KIF13A: variants seen among roughly 807,000 people sequenced by gnomAD.
The protein encoded by KIF13A is kinesin family member 13A.
In KIF13A, 79 loss-of-function variants were observed where a neutral mutation model predicts 212.2. The ratio of observed to expected loss-of-function variants is 0.37; its 90% CI spans 0.31 to 0.45. KIF13A has a LOEUF of 0.45. KIF13A is among the 20% of genes least tolerant of loss of function. The pLI, the probability that KIF13A is intolerant of heterozygous loss-of-function variation, is 1.00. For missense variants in KIF13A, 1,901 were observed against 2,209.0 expected (o/e 0.86, Z 2.79); for synonymous variants, 789 against 808.6 (o/e 0.98, Z 0.41).
In KIF13A at chr6:17,805,556, T is replaced by G; in HGVS notation, c.2223A>C (p.Gln741His). The G allele has an allele frequency of 6.2e-7, 1 of 1,613,594 alleles. No homozygotes were observed. Among genetic ancestry groups the G allele is most frequent in the Non-Finnish European group, 8.5e-7 (1 of 1,179,604 alleles). ...IQVRRKGKST[Q>H]VWTIEKLENK... Reference sequence around the variant, plus strand: ...TCTCCAGCTTCTCAATGGTCCACACTTGGGTGCTCTTTCCTTTCCTCCTCA... The same window carrying G: ...TCTCCAGCTTCTCAATGGTCCACACGTGGGTGCTCTTTCCTTTCCTCCTCA... Residue 741 changes from glutamine to histidine, a missense_variant, in exon 19 of 39, where the codon CAA becomes CAC. Around this residue, in one of 5 missense-constraint regions of KIF13A, gnomAD observed 534 missense variants for 536.9 expected, o/e 0.99. Transcript: ENST00000259711.
In KIF13A at chr6:17,895,751, T is replaced by C. The variant is rs1399442925; in HGVS notation, c.159+2417A>G. 3.3e-5 allele frequency among the ~76,000 whole-genome samples: 5 copies of C among 152,206 alleles called. No homozygotes were observed. The highest frequency in any genetic ancestry group is 7.4e-5 in the Non-Finnish European group (5 of 68,026). Reference sequence around the variant, plus strand: ...ATGCTAGGTTCATCTCTCTAAATTTTTACCTCTTTCTGGATCTTGGTCTAG... The same window carrying C: ...ATGCTAGGTTCATCTCTCTAAATTTCTACCTCTTTCTGGATCTTGGTCTAG... On this transcript the variant is annotated intron_variant, in intron 3 of 38. Coordinates refer to ENST00000259711, the MANE Select transcript of KIF13A (RefSeq NM_022113.6). The surrounding 1 kb of genome is among the most constrained non-coding windows in gnomAD (Gnocchi z 4.4).
chr6:17,783,434 G>A lies in KIF13A; in HGVS notation c.3544+212C>T, dbSNP rs189686553. On this transcript the variant is annotated intron_variant, in intron 29 of 38. Coordinates refer to ENST00000259711, the MANE Select transcript of KIF13A (RefSeq NM_022113.6). This position sits in a 1 kb window ranked among gnomAD's most constrained non-coding sequence, Gnocchi z 4.3. The stretch of plus-strand genomic sequence containing the variant: ...ACTGTTTCAGAGCAACTGTGCTAAT[G>A]CTCGTGCATGCAGTTCTCAATCACC... Among the ~76,000 whole-genome samples the A allele has an allele frequency of 6.6e-6, 1 of 152,280 alleles. No homozygotes were observed. The highest frequency in any genetic ancestry group is 2.4e-5 in the African/African-American group (1 of 41,576).
At chr6:17,780,657 T>G in intron 31 of KIF13A, 73 bp downstream of exon 31, 1 of 1,419,994 alleles carries the variant, frequency 7.0e-7, no homozygotes, top group South Asian at 1.3e-5. Context: ...CAAAAAACAC[T>G]GCTTTGTGAT....
intron 2 of KIF13A, among the ~76,000 whole-genome samples, chr6:17,975,191 AAAAT>A (rs1185025321): frequency 1.3e-5 from 2 of 152,154 alleles, no homozygotes; most frequent in African/African-American, 2.4e-5. Context: ...TAAAAATAAA[AAAAT>A]AAAAAAAAAC....
intron 3 of KIF13A, chr6:17,882,181 G>A (rs1299950258): frequency 2.4e-6 from 1 of 412,446 alleles, no homozygotes; most frequent in African/African-American, 2.1e-5. Flanking sequence ...TCACTAATAT[G>A]TTCTCCAACT....
chr6:17,764,072 GTGAAGGGCC>G lies in KIF13A; in HGVS notation c.*29_*37del. On this transcript the variant is annotated 3_prime_UTR_variant, in exon 39 of 39. Transcript: ENST00000259711. The surrounding 1 kb of genome is among the most constrained non-coding windows in gnomAD (Gnocchi z 5.1). ...GAATCTTTCCTACCAAGTTGTTGCG[GTGAAGGGCC>G]TCTGGGGTTGACATACAGTTAGACA... 1 of 1,586,510 alleles carries G rather than the reference GTGAAGGGCC, an allele frequency of 6.3e-7. No homozygotes were observed. The highest frequency in any genetic ancestry group is 1.2e-5 in the South Asian group (1 of 86,850).
chr6:17,837,199 T>G lies in KIF13A; in HGVS notation c.943-109A>C, dbSNP rs188380067. The stretch of plus-strand genomic sequence containing the variant: ...ACATTATTCTCTATGAAGGAAACAT[T>G]ATGTGGAAATGGACTTGCATTTCAC... On this transcript the variant is annotated intron_variant, in intron 10 of 38. Coordinates refer to ENST00000259711, the MANE Select transcript of KIF13A (RefSeq NM_022113.6). This position sits in a 1 kb window ranked among gnomAD's most constrained non-coding sequence, Gnocchi z 5.4. The G allele has an allele frequency of 1.2e-5, 12 of 971,188 alleles. No homozygotes were observed. The highest frequency in any genetic ancestry group is 1.7e-5 in the Non-Finnish European group (11 of 634,034). 60.2% of individuals were successfully genotyped at this position (971,188 alleles called of 1,614,324 possible).
At chr6:17,848,506 C>T (rs1260023836) in intron 9 of KIF13A, among the ~76,000 whole-genome samples, 3 of 151,212 alleles carry the variant, frequency 2.0e-5, no homozygotes, top group African/African-American at 7.3e-5. Context: ...GTATTTGTGC[C>T]ATTTTTGAGC....
intron 2 of KIF13A, among the ~76,000 whole-genome samples, chr6:17,906,644 C>A (rs2150496576): frequency 6.6e-6 from 1 of 151,978 alleles, no homozygotes; most frequent in Non-Finnish European, 1.5e-5. Context: ...AAGACAGGGT[C>A]TTGGCATATT....
chr6:17,803,197 G>GTC (rs1762628063), intron 20 of KIF13A, among the ~76,000 whole-genome samples: 1 of 152,076 alleles, frequency 6.6e-6, no homozygotes, highest in African/African-American at 2.4e-5. Context: ...GCCTCCCAAA[G>GTC]TGCAGGGATT....
In KIF13A at chr6:17,778,959, T is replaced by C. The variant is rs748695121; in HGVS notation, c.4080A>G (p.Glu1360=). 1.8e-5 allele frequency: 29 copies of C among 1,596,050 alleles called. No homozygotes were observed. The highest frequency in any genetic ancestry group is 5.3e-5 in the Admixed American group (3 of 56,546). ...VLQVENILSL[E]RLRQAVTVKE... The stretch of plus-strand genomic sequence containing the variant: ...TTCAGTTACTTGCCTGCCGGAGCCG[T>C]TCAAGACTCAGAATGTTTTCCACCT... The change falls in exon 33 of 39, where the codon GAA becomes GAG. Residue 1360 remains glutamate, a synonymous_variant. Transcript: ENST00000259711.
At chr6:17,821,694 A>C in intron 16 of KIF13A, 1 of 1,392,696 alleles carries the variant, frequency 7.2e-7, no homozygotes, top group Non-Finnish European at 9.6e-7. Flanking sequence ...TGTTAGTTAG[A>C]TTTTTGCCAA....
intron 25 of KIF13A, among the ~76,000 whole-genome samples, chr6:17,793,803 A>G (rs1761811319): frequency 6.6e-6 from 1 of 152,066 alleles, no homozygotes. Flanking sequence ...AGTCCCAGCT[A>G]CTTCAGAAGC....
chr6:17,821,669 G>GTTAGGGAAA, intron 16 of KIF13A: 1 of 1,189,856 alleles, frequency 8.4e-7, no homozygotes, highest in Non-Finnish European at 1.1e-6. Flanking sequence ...GAAAACTCCA[G>GTTAGGGAAA]CTTCTTCCCA....
chr6:17,881,496 A>T (rs1283800098), intron 3 of KIF13A: 2 of 430,614 alleles, frequency 4.6e-6, no homozygotes, highest in Non-Finnish European at 9.1e-6. Flanking sequence ...GGAGATCGAG[A>T]CCATCCTGGC....
chr6:17,952,451 G>C (rs1777944033), intron 2 of KIF13A, among the ~76,000 whole-genome samples: 1 of 151,650 alleles, frequency 6.6e-6, no homozygotes, highest in Admixed American at 6.6e-5. Context: ...TGGGCAACAT[G>C]GCAAGATTCT....
chr6:17,783,290 C>G lies in KIF13A; in HGVS notation c.3544+356G>C, dbSNP rs1459271961. On this transcript the variant is annotated intron_variant, in intron 29 of 38. Coordinates refer to ENST00000259711, the MANE Select transcript of KIF13A (RefSeq NM_022113.6). This position sits in a 1 kb window ranked among gnomAD's most constrained non-coding sequence, Gnocchi z 4.3. ...GTTATAGTGTGATCACTTCTGCCAT[C>G]AAAACTATTTGAGGAGAGTTAAGGG... Among the ~76,000 whole-genome samples, 1 of 152,190 alleles carries G rather than the reference C, an allele frequency of 6.6e-6. No individual in the cohort carries two copies. The highest frequency in any genetic ancestry group is 2.1e-4 in the South Asian group (1 of 4,832).
intron 2 of KIF13A, among the ~76,000 whole-genome samples, chr6:17,901,347 T>TA (rs1773044012): frequency 6.6e-6 from 1 of 152,158 alleles, no homozygotes; most frequent in Non-Finnish European, 1.5e-5. Flanking sequence ...AATGTAAAAA[T>TA]AAAAAAATTC....
intron 38 of KIF13A, among the ~76,000 whole-genome samples, chr6:17,766,685 G>A (rs1759020895): frequency 6.6e-6 from 1 of 152,076 alleles, no homozygotes; most frequent in Non-Finnish European, 1.5e-5. Flanking sequence ...CTCCTGAGTA[G>A]CTGGGATTAC....
Sources: gnomAD v4.1 joint callset for allele counts (sites outside exome capture counted in the v4.1 genomes callset) on GRCh38, gnomAD v4.1.1 for gene constraint, gnomAD v4.1.1 regional missense constraint, Gnocchi (gnomAD v3.1) non-coding constraint, MANE v1.5 for transcripts, NCBI Gene and HGNC (gene_info 2026-07-23, HGNC 2026-07-21) for gene names.